The following IL17D variants were observed in gnomAD, a reference collection of about 807,000 sequenced individuals.
The protein encoded by IL17D is interleukin-17D.
In IL17D, 10 loss-of-function variants were observed where a neutral mutation model predicts 5.7. That is an observed-to-expected ratio of 1.75 (90% CI 1.08 to 2.97). The LOEUF (loss-of-function observed/expected upper bound fraction) is 2.97. IL17D is among the 30% of genes most tolerant of loss of function. IL17D has a pLI of 0.00. For synonymous variants in IL17D, 172 were observed against 141.7 expected, an observed-to-expected ratio of 1.21 and a Z score of -1.52; for missense variants, 354 against 292.7, an observed-to-expected ratio of 1.21 and a Z score of -1.53.
chr13:20,708,592 T>G (rs1223697186), intron 1 of IL17D, among the ~76,000 whole-genome samples: 1 of 152,106 alleles, frequency 6.6e-6, no homozygotes, highest in Non-Finnish European at 1.5e-5. Context: ...TTACACACCA[T>G]TTCTTCTTGG....
At chr13:20,718,115 C>T (rs1316493093) in intron 1 of IL17D, among the ~76,000 whole-genome samples, 1 of 152,148 alleles carries the variant, frequency 6.6e-6, no homozygotes. Context: ...ACCCGCCCGC[C>T]CGCCTTTGGT....
At chr13:20,707,210 C>A (rs1415824637) in intron 1 of IL17D, among the ~76,000 whole-genome samples, 1 of 151,898 alleles carries the variant, frequency 6.6e-6, no homozygotes, top group Admixed American at 6.6e-5. Context: ...ACCTGTAAAT[C>A]CCCGGCTACT....
At chr13:20,707,440 CAAAAAAA>C (rs57118714) in intron 1 of IL17D, among the ~76,000 whole-genome samples, 26 of 75,830 alleles carry the variant, frequency 3.4e-4, no homozygotes, top group East Asian at 1.1e-3. Flanking sequence ...GAACTTGTCT[CAAAAAAA>C]AAAAAAAAAA....
At chr13:20,705,451 AC>A (rs2058584463) in intron 1 of IL17D, among the ~76,000 whole-genome samples, 1 of 152,158 alleles carries the variant, frequency 6.6e-6, no homozygotes, top group African/African-American at 2.4e-5. Context: ...GAATCCCAGC[AC>A]TTTGGGAGGC....
In IL17D at chr13:20,722,442, C is replaced by T. The variant is rs2058744832; in HGVS notation, c.*488C>T. 1 of 153,370 alleles carries T rather than the reference C, an allele frequency of 6.5e-6. No individual in the cohort carries two copies. Among genetic ancestry groups the T allele is most frequent in the South Asian group, 2.1e-4 (1 of 4,852 alleles). 9.5% of individuals were successfully genotyped at this position (153,370 alleles called of 1,614,324 possible). On this transcript the variant is annotated 3_prime_UTR_variant, in exon 2 of 2. Transcript: ENST00000682841. Reference sequence around the variant, plus strand: ...GCTATTTTATATTATCAAATGAGAGCTACTCTGTTACATTTCTTAACATAT... The same window carrying T: ...GCTATTTTATATTATCAAATGAGAGTTACTCTGTTACATTTCTTAACATAT...
At chr13:20,703,084 C>CT (rs1387193437), upstream of IL17D, 1 of 158,372 alleles carries the variant, frequency 6.3e-6, no homozygotes, top group African/African-American at 2.4e-5. Context: ...CCCACTCCTC[C>CT]TTCAGCCAGT....
intron 1 of IL17D, among the ~76,000 whole-genome samples, chr13:20,707,933 G>A (rs2058603102): frequency 6.6e-6 from 1 of 152,162 alleles, no homozygotes; most frequent in Non-Finnish European, 1.5e-5. Flanking sequence ...TTTCTTTTGA[G>A]ACAGGGTTTT....
chr13:20,720,903 C>T (rs897505969), intron 1 of IL17D, among the ~76,000 whole-genome samples: 13 of 150,738 alleles, frequency 8.6e-5, no homozygotes, highest in Non-Finnish European at 1.9e-4. Flanking sequence ...GGCAGACTCC[C>T]TCCTTAGGTC....
chr13:20,716,618 A>G lies in IL17D; in HGVS notation c.291-5018A>G, dbSNP rs2058680873. ...CTGGGTGGTGACTAAGTTGGGCTAC[A>G]GTTTTAGGTCCCAGACTCTTAATGG... On this transcript the variant is annotated intron_variant, in intron 1 of 1. Transcript: ENST00000682841. This position sits in a 1 kb window ranked among gnomAD's most constrained non-coding sequence, Gnocchi z 4.2. Among the ~76,000 whole-genome samples, 1 of 152,164 alleles carries G rather than the reference A, an allele frequency of 6.6e-6. No individual in the cohort carries two copies. Among genetic ancestry groups the G allele is most frequent in the African/African-American group, 2.4e-5 (1 of 41,418 alleles).
In IL17D at chr13:20,722,330, TA is replaced by T. The variant is rs1433232765; in HGVS notation, c.*377del. 3 of 230,966 alleles carry T rather than the reference TA, an allele frequency of 1.3e-5. No homozygotes were observed. 14.3% of individuals were successfully genotyped at this position (230,966 alleles called of 1,614,324 possible). Reference sequence around the variant, plus strand: ...TGCTTGCCAAAGAGATAGGGACGCATATGCTTTTTAAAGCAATCTAAAAATA... The same window carrying T: ...TGCTTGCCAAAGAGATAGGGACGCATTGCTTTTTAAAGCAATCTAAAAATA... On this transcript the variant is annotated 3_prime_UTR_variant, in exon 2 of 2. Transcript: ENST00000682841.
rs112043741 is a variant in IL17D at position 20,721,897 on chromosome 13, C to T, written c.552C>T (p.Ile184=). Residue 184 remains isoleucine (I), a synonymous_variant, in exon 2 of 2, where the codon ATC becomes ATT. Coordinates refer to ENST00000682841, the MANE Select transcript of IL17D (RefSeq NM_001385224.1). ...EKDADSINSS[I]DKQGAKLLLG... ...ACGCAGACAGCATCAACTCCAGCAT[C>T]GACAAACAGGGCGCCAAGCTCCTGC... 1.2e-6 allele frequency: 2 copies of T among 1,608,360 alleles called. No individual in the cohort carries two copies. Among genetic ancestry groups the T allele is most frequent in the Non-Finnish European group, 1.7e-6 (2 of 1,179,466 alleles).
In IL17D at chr13:20,722,056, G is replaced by A. The variant is rs1315156721; in HGVS notation, c.*102G>A. ...CGGCGACCTCTGAAGAGAGTGCACC[G>A]AGCAAACCAAGTGCCGGAGCACCAG... On this transcript the variant is annotated 3_prime_UTR_variant, in exon 2 of 2. Transcript: ENST00000682841. The A allele has an allele frequency of 1.4e-5, 14 of 993,970 alleles. No homozygotes were observed. The highest frequency in any genetic ancestry group is 6.0e-5 in the Admixed American group (2 of 33,114). The allele number at this position is 993,970 out of a possible 1,614,324, so 61.6% of individuals were successfully genotyped here.
At position 20,709,331 on chromosome 13, in the gene IL17D, G is replaced by A. The variant is rs140592664; in HGVS notation, c.290+5040G>A. Reference sequence around the variant, plus strand: ...TTCCCCTTCAGACACACTTGCCCACGTGCCAAATGATATGTGTACAAGGAT... The same window carrying A: ...TTCCCCTTCAGACACACTTGCCCACATGCCAAATGATATGTGTACAAGGAT... On this transcript the variant is annotated intron_variant, in intron 1 of 1. Coordinates refer to ENST00000682841, the MANE Select transcript of IL17D (RefSeq NM_001385224.1). Among the ~76,000 whole-genome samples, 790 of 152,126 alleles carry A rather than the reference G, an allele frequency of 5.2e-3. 7 individuals carry two copies. Among genetic ancestry groups the A allele is most frequent in the Middle Eastern group, 0.031 (9 of 294 alleles).
chr13:20,714,871 G>A (rs2058666496), intron 1 of IL17D, among the ~76,000 whole-genome samples: 1 of 152,196 alleles, frequency 6.6e-6, no homozygotes, highest in Non-Finnish European at 1.5e-5. Context: ...ATGGAAGGAG[G>A]GTGGAGCTGA....
chr13:20,701,526 T>G (rs2058548310), upstream of IL17D: 1 of 152,222 alleles, frequency 6.6e-6, no homozygotes, highest in South Asian at 2.1e-4. Flanking sequence ...TAAGCAGTCT[T>G]GCAGCTGTGC....
Position 20,722,209 on chromosome 13 carries a change from G to A in IL17D, c.*255G>A. On this transcript the variant is annotated 3_prime_UTR_variant, in exon 2 of 2. Coordinates refer to ENST00000682841, the MANE Select transcript of IL17D (RefSeq NM_001385224.1). Reference sequence around the variant, plus strand: ...ACGACCCGGCACGGGCATCCTGTGTGCGGCCCGCATGGAGGGTTTGGAAAA... The same window carrying A: ...ACGACCCGGCACGGGCATCCTGTGTACGGCCCGCATGGAGGGTTTGGAAAA... 1 of 489,832 alleles carries A rather than the reference G, an allele frequency of 2.0e-6. No homozygotes were observed. 30.3% of individuals were successfully genotyped at this position (489,832 alleles called of 1,614,324 possible).
Position 20,704,275 on chromosome 13 carries a change from T to C in IL17D, c.274T>C (p.Ser92Pro). The change falls in exon 1 of 2, where the codon TCG (serine) becomes CCG (proline). Residue 92 changes from serine to proline, a missense_variant. Ser to Pro is a moderately conservative substitution (Grantham distance 74, BLOSUM62 -1). Transcript: ENST00000682841. ...FRPPTNLRSV[S>P]PWAYRISYDP... ...GCCGCCCACCAACCTGCGCAGCGTG[T>C]CGCCCTGGGCCTACAGGTGAGCCGC... The C allele has an allele frequency of 2.6e-6, 3 of 1,171,856 alleles. No homozygotes were observed. The highest frequency in any genetic ancestry group is 4.7e-5 in the South Asian group (2 of 42,328). 72.6% of individuals were successfully genotyped at this position (1,171,856 alleles called of 1,614,324 possible). A position where few individuals can be genotyped will look rare whatever the true frequency, so the allele number is the denominator to read the frequency against.
At chr13:20,719,128 C>T (rs991480472) in intron 1 of IL17D, among the ~76,000 whole-genome samples, 1 of 150,916 alleles carries the variant, frequency 6.6e-6, no homozygotes, top group South Asian at 2.1e-4. Flanking sequence ...TGCCCACACT[C>T]ATCCACACAC....
chr13:20,703,213 C>A, upstream of IL17D: 5 of 929,134 alleles, frequency 5.4e-6, no homozygotes, highest in Non-Finnish European at 6.4e-6. Flanking sequence ...CGGCTGGAAG[C>A]CCCAGTTTGC....
Sources: gnomAD v4.1 joint callset for allele counts (sites outside exome capture counted in the v4.1 genomes callset) on GRCh38, gnomAD v4.1.1 for gene constraint, Gnocchi (gnomAD v3.1) non-coding constraint, MANE v1.5 for transcripts, NCBI Gene and HGNC (gene_info 2026-07-23, HGNC 2026-07-21) for gene names.